Variants in KRT5 observed in about 807,000 individuals in gnomAD.
KRT5 encodes the protein keratin, type II cytoskeletal 5.
A neutral mutation model predicts 44.0 loss-of-function variants in KRT5; 17 were observed. The ratio of observed to expected loss-of-function variants is 0.39; its 90% CI spans 0.26 to 0.58. The LOEUF is 0.58. Ranked by LOEUF, KRT5 falls within the 20% of genes least tolerant of loss-of-function variation. KRT5 has a pLI of 0.61. For synonymous variants in KRT5, 329 were observed against 312.8 expected (o/e 1.05, Z -0.55); for missense variants, 737 against 785.5 (o/e 0.94, Z 0.74).
chr12:52,518,130 A>G lies in KRT5; in HGVS notation c.804T>C (p.Ala268=). 1.9e-6 allele frequency: 3 copies of G among 1,614,236 alleles called. No individual in the cohort carries two copies. Among genetic ancestry groups the G allele is most frequent in the Non-Finnish European group, 2.5e-6 (3 of 1,180,036 alleles). The change falls in exon 3 of 9, where the codon GCT becomes GCC. Residue 268 remains alanine (A), a synonymous_variant. Transcript: ENST00000252242. The part of the protein sequence containing the change: ...YEDEINKRTT[A]ENEFVMLKKD... ...TCTTCAGCATCACAAACTCATTCTCAGCAGTGGTACGCTTGTTGATTTCAT... is the reference window on the plus strand; with the variant it reads ...TCTTCAGCATCACAAACTCATTCTCGGCAGTGGTACGCTTGTTGATTTCAT...
rs367665298 is a variant in KRT5, at chr12:52,517,197, G to A, written c.1128C>T (p.Gly376=). The change falls in exon 6 of 9, where the codon GGC becomes GGT. Residue 376 remains glycine (G), a synonymous_variant. Transcript: ENST00000252242. ...EELQQTAGRH[G]DDLRNTKHEI... ...CATGCTTGGTGTTGCGGAGGTCATC[G>A]CCATGCCGGCCAGCTGTCTGCTGCA... 11 of 1,613,934 alleles carry A rather than the reference G, an allele frequency of 6.8e-6. No homozygotes were observed. Among genetic ancestry groups the A allele is most frequent in the Middle Eastern group, 1.6e-4 (1 of 6,062 alleles).
At chr12:52,519,292 G>A (rs1199481717) in intron 1 of KRT5, 132 bp from the exon 2 acceptor site, 1 of 1,386,938 alleles carries the variant, frequency 7.2e-7, no homozygotes, top group Admixed American at 2.0e-5. Flanking sequence ...CTGGGCCCCA[G>A]GAGGGGAGGT....
intron 1 of KRT5, chr12:52,519,509 T>C (rs1055291732): frequency 1.6e-6 from 1 of 636,086 alleles, no homozygotes; most frequent in Non-Finnish European, 2.8e-6. Flanking sequence ...TGTCCAACAG[T>C]TGTTAAGAGG....
rs111583423 is a variant in KRT5, at chr12:52,515,972, G to A, written c.1440-140C>T. On this transcript the variant is annotated intron_variant, in intron 7 of 8. Coordinates refer to ENST00000252242, the MANE Select transcript of KRT5 (RefSeq NM_000424.4). ...ACACCCAAAAGCTGCTTAAGTTAAA[G>A]GAAGGGAGAACTCTCCAGAGGGATT... is the stretch of plus-strand genomic sequence containing the variant. The A allele has an allele frequency of 3.1e-4, 230 of 737,546 alleles. 1 individual carries two copies. In the African/African-American group the frequency reaches 3.5e-3, roughly 11 times the overall value. The allele number at this position is 737,546 out of a possible 1,614,324, so 45.7% of individuals were successfully genotyped here.
At position 52,515,561 on chromosome 12, in the gene KRT5, G is replaced by A. The variant is rs1938596844; in HGVS notation, c.1474+237C>T. 6.4e-6 allele frequency: 4 copies of A among 629,756 alleles called. No homozygotes were observed. In the East Asian group the frequency reaches 1.1e-4, roughly 17 times the overall value. The allele number at this position is 629,756 out of a possible 1,614,324, so 39.0% of individuals were successfully genotyped here. ...GGTACTAGGGACAAGGCAGGGGACA[G>A]GGTCCAAGAAGCATAGGATGCATGG... On this transcript the variant is annotated intron_variant, in intron 8 of 8. Transcript: ENST00000252242.
intron 2 of KRT5, chr12:52,518,610 G>A (rs1365257858): frequency 3.6e-6 from 2 of 560,468 alleles, no homozygotes; most frequent in Admixed American, 2.6e-5. Flanking sequence ...CTCCTGCTTT[G>A]AGACAAATCT....
intron 1 of KRT5, 36 bp downstream of exon 1, chr12:52,519,706 A>G: frequency 6.3e-7 from 1 of 1,586,256 alleles, no homozygotes; most frequent in African/African-American, 1.3e-5. Context: ...TTTATTTCAG[A>G]CCCACAGTGA....
chr12:52,515,314 G>T (rs1938593034), intron 8 of KRT5, 74 bp from the exon 9 acceptor site: 2 of 1,593,222 alleles, frequency 1.3e-6, no homozygotes, highest in Middle Eastern at 1.6e-4. Flanking sequence ...TATTTGATCT[G>T]CTGGTGTTGG....
chr12:52,515,960 GCTTAAGTTAAAGGAAGGGAGAACTCTC>G lies in KRT5; in HGVS notation c.1440-155_1440-129del, dbSNP rs1189196141. ...CCAGGAGTCTGTACACCCAAAAGCT[GCTTAAGTTAAAGGAAGGGAGAACTCTC>G]CAGAGGGATTTTCCAATGAAGAGGG... On this transcript the variant is annotated intron_variant, in intron 7 of 8. Transcript: ENST00000252242. The G allele has an allele frequency of 3.8e-6, 3 of 794,604 alleles. No individual in the cohort carries two copies. In the African/African-American group the frequency reaches 5.1e-5, roughly 14 times the overall value. 49.2% of individuals were successfully genotyped at this position (794,604 alleles called of 1,614,324 possible). A position where few individuals can be genotyped will look rare whatever the true frequency, so the allele number is the denominator to read the frequency against.
At position 52,516,854 on chromosome 12, in the gene KRT5, C is replaced by T. The variant is rs748888461; in HGVS notation, c.1222G>A (p.Ala408Thr). 1.1e-5 allele frequency: 18 copies of T among 1,614,000 alleles called. No individual in the cohort carries two copies. The Admixed American group carries it at 2.3e-4, about 21-fold the overall frequency. The change falls in exon 7 of 9, where the codon GCC (alanine) becomes ACC (threonine). Residue 408 changes from alanine to threonine, a missense_variant. This residue lies in a region of KRT5 where 344 missense variants were observed against 351.6 expected (regional missense o/e 0.98). Coordinates refer to ENST00000252242, the MANE Select transcript of KRT5 (RefSeq NM_000424.4). ...AEIDNVKKQC[A>T]NLQNAIADAE... ...TCCGCAATGGCGTTCTGCAGATTGG[C>T]GCACTACAGATAGAAAGGAGGAGAG...
At position 52,515,146 on chromosome 12, in the gene KRT5, A is replaced by T. The variant is rs771176935; in HGVS notation, c.1569T>A (p.Gly523=). The T allele has an allele frequency of 1.2e-6, 2 of 1,609,630 alleles. No homozygotes were observed. The highest frequency in any genetic ancestry group is 1.7e-6 in the Non-Finnish European group (2 of 1,178,364). ...GGGLGGGLGG[G]LAGGSSGSYY... ...AGCTTCCACTGCTACCTCCGGCAAG[A>T]CCTCCACCGAGGCCGCCGCCAAGAC... Residue 523 remains glycine, a synonymous_variant, in exon 9 of 9, where the codon GGT becomes GGA. Transcript: ENST00000252242.
At chr12:52,516,929 C>G (rs943676898) in intron 6 of KRT5, 72 bp from the exon 7 acceptor site, 1 of 1,568,774 alleles carries the variant, frequency 6.4e-7, no homozygotes. Context: ...CTGGGTCAGA[C>G]AAACCAAACT....
chr12:52,517,067 ACTC>A, intron 6 of KRT5, 37 bp downstream of exon 6: 1 of 1,612,802 alleles, frequency 6.2e-7, no homozygotes, highest in South Asian at 1.1e-5. Context: ...TTCTTTTAGA[ACTC>A]AGGCCCCTTC....
rs368052476 is a variant in KRT5 at position 52,518,099 on chromosome 12, G to A, written c.831+4C>T. 7.5e-5 allele frequency: 121 copies of A among 1,614,086 alleles called. No homozygotes were observed. In the African/African-American group the frequency reaches 1.2e-3, roughly 16 times the overall value. On this transcript the variant is annotated splice_donor_region_variant and intron_variant, in intron 3 of 8. Transcript: ENST00000252242. ...GCTGCTGGTTCTCTCCCACCCACAC[G>A]CACCTTCTTCAGCATCACAAACTCA... is the stretch of plus-strand genomic sequence containing the variant.
Position 52,520,347 on chromosome 12 carries a change from GGTGC to G in KRT5, c.-55_-52del. Reference sequence around the variant, plus strand: ...AGAACCAGGCACTAGTGGGTTGGGAGGTGCTGGAGAGAACAGAGCTCAGCAGGAC... The same window carrying G: ...AGAACCAGGCACTAGTGGGTTGGGAGTGGAGAGAACAGAGCTCAGCAGGAC... On this transcript the variant is annotated 5_prime_UTR_variant, in exon 1 of 9. Coordinates refer to ENST00000252242, the MANE Select transcript of KRT5 (RefSeq NM_000424.4). 1.9e-6 allele frequency: 3 copies of G among 1,570,604 alleles called. No individual in the cohort carries two copies. Among genetic ancestry groups the G allele is most frequent in the Non-Finnish European group, 2.6e-6 (3 of 1,144,798 alleles).
intron 1 of KRT5, 81 bp downstream of exon 1, chr12:52,519,661 G>A: frequency 2.1e-6 from 3 of 1,438,054 alleles, no homozygotes; most frequent in Middle Eastern, 2.3e-4. Flanking sequence ...TTTGCACAAA[G>A]CCAAAACATC....
chr12:52,518,341 A>G lies in KRT5; in HGVS notation c.771-178T>C, dbSNP rs1938650232. ...GGCCAAGGTCCCTCCCCATTTAAAT[A>G]CTGCTTTCTCTGTAACTGCCTACCA... On this transcript the variant is annotated intron_variant, in intron 2 of 8. Coordinates refer to ENST00000252242, the MANE Select transcript of KRT5 (RefSeq NM_000424.4). 4.3e-6 allele frequency: 3 copies of G among 702,498 alleles called. No homozygotes were observed. In the South Asian group the frequency reaches 4.5e-5, roughly 11 times the overall value. The allele number at this position is 702,498 out of a possible 1,614,324, so 43.5% of individuals were successfully genotyped here. A position where few individuals can be genotyped will look rare whatever the true frequency, so the allele number is the denominator to read the frequency against.
intron 1 of KRT5, 56 bp from the exon 2 acceptor site, chr12:52,519,216 AACTCACT>A: frequency 6.2e-7 from 1 of 1,608,472 alleles, no homozygotes; most frequent in South Asian, 1.1e-5. Flanking sequence ...TTCTATGATC[AACTCACT>A]AAGGTGCCTC....
chr12:52,518,194 C>G lies in KRT5; in HGVS notation c.771-31G>C, dbSNP rs1214082442. The G allele has an allele frequency of 3.1e-6, 5 of 1,609,394 alleles. No individual in the cohort carries two copies. The South Asian group carries it at 4.4e-5, about 14-fold the overall frequency. ...GGTGAAAGGGATGGGAAGTGTTTGT[C>G]AGAGGATGAGCAACAGGTAAGGGGT... is the stretch of plus-strand genomic sequence containing the variant. On this transcript the variant is annotated intron_variant, in intron 2 of 8. Transcript: ENST00000252242.
Sources: allele counts gnomAD v4.1 joint callset, GRCh38; gene constraint gnomAD v4.1.1; regional missense constraint gnomAD v4.1.1; transcripts MANE v1.5; gene names NCBI Gene and HGNC (gene_info 2026-07-23, HGNC 2026-07-21).